The following KIF15 variants were observed in gnomAD, a reference collection of about 807,000 sequenced individuals.
KIF15 encodes the protein kinesin family member 15.
In KIF15, 140 loss-of-function variants were observed where a neutral mutation model predicts 190.6. The ratio of observed to expected loss-of-function variants is 0.73; its 90% CI spans 0.64 to 0.84. The LOEUF (loss-of-function observed/expected upper bound fraction) is 0.84. Ranked by LOEUF, KIF15 falls within the 40% of genes least tolerant of loss-of-function variation. The probability of loss-of-function intolerance (pLI) is 0.00; values close to 1 mark genes in which losing one functional copy is unlikely to be tolerated. For missense variants in KIF15, 1,372 were observed against 1,584.4 expected (o/e 0.87, Z 2.28); for synonymous variants, 528 against 551.3 (o/e 0.96, Z 0.59).
rs757864521 is a variant in KIF15, at chr3:44,794,316, A to G, written c.739A>G (p.Met247Val). The G allele has an allele frequency of 4.3e-6, 7 of 1,613,990 alleles. No individual in the cohort carries two copies. Among genetic ancestry groups the G allele is most frequent in the Non-Finnish European group, 5.9e-6 (7 of 1,179,912 alleles). The change falls in exon 8 of 35, where the codon ATG (methionine) becomes GTG (valine). Residue 247 changes from methionine (M) to valine (V), a missense_variant. Transcript: ENST00000326047. ...HAVFTITIES[M>V]EKSNEIVNIR... ...CGTCTTTACAATTACAATAGAGTCA[A>G]TGGAGAAAAGTAATGAGATTGTGAA... is the stretch of plus-strand genomic sequence containing the variant.
In KIF15 at chr3:44,767,482, G is replaced by A. The variant is rs531625586; in HGVS notation, c.19+5598G>A. Among the ~76,000 whole-genome samples, 217 of 152,348 alleles carry A rather than the reference G, an allele frequency of 1.4e-3. 1 individual carries two copies. Among genetic ancestry groups the A allele is most frequent in the Admixed American group, 3.8e-3 (58 of 15,302 alleles). On this transcript the variant is annotated intron_variant, in intron 1 of 34. Transcript: ENST00000326047. ...CTGGAAAGATGGAGTTAACGGAGAT[G>A]TAGAAACACATTTGGGCTAGAGGTG...
intron 11 of KIF15, among the ~76,000 whole-genome samples, chr3:44,800,655 G>C (rs1575610194): frequency 4.6e-5 from 7 of 152,324 alleles, no homozygotes; most frequent in Admixed American, 6.5e-5. Flanking sequence ...TTTGAATAAT[G>C]TATAAGTGCT....
chr3:44,863,981 G>C, intron 6 of KIF15: 1 of 560,330 alleles, frequency 1.8e-6, no homozygotes, highest in Non-Finnish European at 3.2e-6. Flanking sequence ...GGCCAAATGA[G>C]TATCTTCTCT....
At chr3:44,857,618 A>T (rs917819754), downstream of KIF15, among the ~76,000 whole-genome samples, 2 of 152,210 alleles carry the variant, frequency 1.3e-5, no homozygotes, top group Non-Finnish European at 2.9e-5. Flanking sequence ...TTTAGGATCT[A>T]TAGGGTCGGC....
intron 1 of KIF15, among the ~76,000 whole-genome samples, chr3:44,763,314 T>G (rs1039126885): frequency 6.6e-5 from 10 of 152,214 alleles, no homozygotes; most frequent in Non-Finnish European, 1.0e-4. Context: ...CTCTCTTTTT[T>G]ATTTTTGAGA....
chr3:44,862,637 T>TA (rs1036355441), intron 6 of KIF15: 2 of 152,294 alleles, frequency 1.3e-5, no homozygotes, highest in Non-Finnish European at 2.9e-5. Context: ...ACTGTAGGCA[T>TA]AAGAGGATAC....
intron 1 of KIF15, among the ~76,000 whole-genome samples, chr3:44,770,821 T>C (rs543421794): frequency 9.2e-5 from 14 of 152,210 alleles, no homozygotes; most frequent in South Asian, 4.1e-4. Context: ...CCTTACTCAA[T>C]TATTAAAGGC....
chr3:44,798,462 C>G (rs958768662), intron 10 of KIF15, among the ~76,000 whole-genome samples: 3 of 152,038 alleles, frequency 2.0e-5, no homozygotes, highest in Non-Finnish European at 2.9e-5. Flanking sequence ...AGGCGCCCAC[C>G]ACCACGCCCG....
At chr3:44,857,824 G>A (rs1459537523), downstream of KIF15, among the ~76,000 whole-genome samples, 1 of 152,198 alleles carries the variant, frequency 6.6e-6, no homozygotes, top group Non-Finnish European at 1.5e-5. Context: ...TGCCGAGGTA[G>A]GTAACGGATG....
In KIF15 at chr3:44,813,138, G is replaced by A; in HGVS notation, c.2341G>A (p.Val781Ile). 2 of 1,602,806 alleles carry A rather than the reference G, an allele frequency of 1.2e-6. No homozygotes were observed. The highest frequency in any genetic ancestry group is 8.5e-7 in the Non-Finnish European group (1 of 1,176,552). The change falls in exon 19 of 35, where the codon GTC (valine) becomes ATC (isoleucine). Residue 781 changes from valine to isoleucine, a missense_variant. Physicochemically the swap from Val to Ile is conservative, Grantham distance 29 (BLOSUM62 3). Transcript: ENST00000326047. ...QQEELLSQLN[V>I]LEKQLQETQT... is the part of the protein sequence containing the mutation. ...GGAAGAGCTTCTCTCACAGTTGAATGTCCTTGAAAAGCAGCTTCAAGAGAC... is the reference window on the plus strand; with the variant it reads ...GGAAGAGCTTCTCTCACAGTTGAATATCCTTGAAAAGCAGCTTCAAGAGAC...
At chr3:44,805,279 A>G in intron 15 of KIF15, 111 bp downstream of exon 15, 1 of 1,015,204 alleles carries the variant, frequency 9.9e-7, no homozygotes, top group Non-Finnish European at 1.4e-6. Flanking sequence ...TTAAACTCTC[A>G]TAGCAGCAAC....
At chr3:44,781,074 T>C in intron 5 of KIF15, 152 bp downstream of exon 5, 1 of 665,544 alleles carries the variant, frequency 1.5e-6, no homozygotes, top group Non-Finnish European at 2.6e-6. Context: ...TGTGAGTTCT[T>C]TGCTAGCAAA....
intron 6 of KIF15, among the ~76,000 whole-genome samples, chr3:44,860,298 C>CAGTG (rs796614704): frequency 1.3e-5 from 2 of 152,234 alleles, no homozygotes; most frequent in African/African-American, 4.8e-5. Flanking sequence ...TGGAGTGGTG[C>CAGTG]AGTGAGACCT....
intron 1 of KIF15, among the ~76,000 whole-genome samples, chr3:44,768,352 C>G (rs578044783): frequency 6.6e-6 from 1 of 151,892 alleles, no homozygotes; most frequent in East Asian, 1.9e-4. Context: ...AATCCAAGTT[C>G]GTGTTGCATG....
downstream of KIF15, chr3:44,853,267 T>TTA (rs1220755613): frequency 6.6e-6 from 1 of 152,260 alleles, no homozygotes; most frequent in African/African-American, 2.4e-5. Context: ...TTAAAGTGAC[T>TTA]TACATTGTTC....
At chr3:44,863,300 A>ACACCCCCC (rs1699280373) in intron 6 of KIF15, 1 of 35,060 alleles carries the variant, frequency 2.9e-5, no homozygotes, top group African/African-American at 8.3e-5. Context: ...TAGATTCCGC[A>ACACCCCCC]CCCCCCCCCC....
chr3:44,777,528 C>T (rs1705949867), intron 3 of KIF15, among the ~76,000 whole-genome samples: 1 of 151,912 alleles, frequency 6.6e-6, no homozygotes, highest in Non-Finnish European at 1.5e-5. Flanking sequence ...CCCGTTTCTA[C>T]TAAAAATAAA....
At chr3:44,785,594 G>C (rs1025554254) in intron 6 of KIF15, among the ~76,000 whole-genome samples, 2 of 152,132 alleles carry the variant, frequency 1.3e-5, no homozygotes, top group Admixed American at 6.5e-5. Context: ...TATAACATTG[G>C]TTTACCATTT....
intron 32 of KIF15, among the ~76,000 whole-genome samples, chr3:44,851,313 A>G (rs1317030264): frequency 6.6e-6 from 1 of 152,224 alleles, no homozygotes; most frequent in Non-Finnish European, 1.5e-5. Flanking sequence ...GGAAACTTAC[A>G]GGATTCAGAT....
Sources: gnomAD v4.1 joint callset for allele counts (sites outside exome capture counted in the v4.1 genomes callset) on GRCh38, gnomAD v4.1.1 for gene constraint, MANE v1.5 for transcripts, NCBI Gene and HGNC (gene_info 2026-07-23, HGNC 2026-07-21) for gene names.